Variants in SPIN1 observed in about 807,000 individuals in gnomAD.
The protein encoded by SPIN1 is spindlin 1, also known as spindlin-1.
A neutral mutation model predicts 26.0 loss-of-function variants in SPIN1; 3 were observed. That is an observed-to-expected ratio of 0.12 (90% CI 0.05 to 0.30). SPIN1 has a LOEUF of 0.30. Ranked by LOEUF, SPIN1 falls within the 10% of genes least tolerant of loss-of-function variation. The pLI, the probability that SPIN1 is intolerant of heterozygous loss-of-function variation, is 1.00. For synonymous variants in SPIN1, 101 were observed against 116.5 expected, an observed-to-expected ratio of 0.87 and a Z score of 0.86; for missense variants, 126 against 333.4, an observed-to-expected ratio of 0.38 and a Z score of 4.84.
rs189746946 is a variant in SPIN1 at position 88,464,368 on chromosome 9, C to T, written c.355+1619C>T. On this transcript the variant is annotated intron_variant, in intron 4 of 5. Coordinates refer to ENST00000375859, the MANE Select transcript of SPIN1 (RefSeq NM_006717.3). ...CTTGCTCTTCACTTACGTTTTACGT[C>T]GGAAGCAATTGCTTCAGGCAGTACA... is the stretch of plus-strand genomic sequence containing the variant. Among the ~76,000 whole-genome samples, 416 of 152,286 alleles carry T rather than the reference C, an allele frequency of 2.7e-3. 3 individuals carry two copies. Among genetic ancestry groups the T allele is most frequent in the African/African-American group, 9.2e-3 (384 of 41,568 alleles).
At chr9:88,417,310 G>T (rs1827587192) in intron 1 of SPIN1, among the ~76,000 whole-genome samples, 1 of 151,998 alleles carries the variant, frequency 6.6e-6, no homozygotes, top group Non-Finnish European at 1.5e-5. Flanking sequence ...ATGTGTGTGG[G>T]TTTTCCCTAC....
At chr9:88,456,932 G>A (rs372959281) in intron 3 of SPIN1, among the ~76,000 whole-genome samples, 5 of 151,994 alleles carry the variant, frequency 3.3e-5, no homozygotes, top group South Asian at 2.1e-4. Context: ...AAAACCATTC[G>A]AGATAAGACA....
In SPIN1 at chr9:88,430,787, T is replaced by C. The variant is rs560820449; in HGVS notation, c.52+4196T>C. Among the ~76,000 whole-genome samples the C allele has an allele frequency of 4.6e-5, 7 of 152,334 alleles. No homozygotes were observed. The South Asian group carries it at 6.2e-4, about 14-fold the overall frequency. ...GGGTAACAAGTACTATTAGGGTATA[T>C]GGTAAAATTTTTTTTCACGTTTTCC... On this transcript the variant is annotated intron_variant, in intron 2 of 5. Transcript: ENST00000375859.
At chr9:88,411,501 C>A in intron 1 of SPIN1, 1 of 828,202 alleles carries the variant, frequency 1.2e-6, no homozygotes. Flanking sequence ...GATGCTTCAG[C>A]GTCATCCATG....
chr9:88,445,551 AT>A (rs1828233915), intron 2 of SPIN1, among the ~76,000 whole-genome samples: 1 of 146,594 alleles, frequency 6.8e-6, no homozygotes, highest in African/African-American at 2.5e-5. Flanking sequence ...TATTATTATT[AT>A]TATTATTATT....
intron 1 of SPIN1, among the ~76,000 whole-genome samples, chr9:88,418,063 C>T (rs1414118607): frequency 5.3e-5 from 8 of 152,160 alleles, no homozygotes; most frequent in Non-Finnish European, 1.0e-4. Context: ...TGCAGCTGTC[C>T]TTTTGGGTTT....
rs553729032 is a variant in SPIN1 at position 88,393,793 on chromosome 9, C to T, written c.-159+5255C>T. Among the ~76,000 whole-genome samples, 80 of 151,672 alleles carry T rather than the reference C, an allele frequency of 5.3e-4. 1 individual carries two copies. In the Middle Eastern group the frequency reaches 0.01, roughly 19 times the overall value. On this transcript the variant is annotated intron_variant, in intron 1 of 5. Transcript: ENST00000375859. ...AGGGAGGGGTTTGAATTACTTTTTT[C>T]TTTCTCTCTTTAGCATCATTGTAGA... is the stretch of plus-strand genomic sequence containing the variant.
At chr9:88,389,273 C>T (rs1007904315) in intron 1 of SPIN1, 1 of 152,228 alleles carries the variant, frequency 6.6e-6, no homozygotes, top group Non-Finnish European at 1.5e-5. Flanking sequence ...CTTTTCCTCT[C>T]CATCGTGAGT....
chr9:88,435,623 C>T (rs886663549), intron 2 of SPIN1, among the ~76,000 whole-genome samples: 10 of 152,164 alleles, frequency 6.6e-5, no homozygotes, highest in Non-Finnish European at 1.3e-4. Context: ...TAAGGGCCTA[C>T]TTGGCCTTCC....
chr9:88,473,952 T>C (rs1340421129), intron 5 of SPIN1, among the ~76,000 whole-genome samples: 1 of 152,232 alleles, frequency 6.6e-6, no homozygotes, highest in Non-Finnish European at 1.5e-5. Flanking sequence ...TTGATTATGC[T>C]CAGATGTTTT....
chr9:88,429,363 G>A (rs1335191672), intron 2 of SPIN1, among the ~76,000 whole-genome samples: 1 of 151,996 alleles, frequency 6.6e-6, no homozygotes, highest in Non-Finnish European at 1.5e-5. Flanking sequence ...CCATAAGACC[G>A]CTGCTTGCTT....
intron 2 of SPIN1, among the ~76,000 whole-genome samples, chr9:88,437,343 C>T (rs772152095): frequency 6.6e-6 from 1 of 151,604 alleles, no homozygotes; most frequent in South Asian, 2.1e-4. Flanking sequence ...ACAAAAAATA[C>T]AAAAAGTAGT....
At chr9:88,445,426 C>T (rs1039676359) in intron 2 of SPIN1, among the ~76,000 whole-genome samples, 2 of 151,840 alleles carry the variant, frequency 1.3e-5, no homozygotes, top group Non-Finnish European at 2.9e-5. Flanking sequence ...TAGAGTGGTT[C>T]TTGGCAGTCA....
At chr9:88,421,866 ATTT>A (rs926648106) in intron 1 of SPIN1, among the ~76,000 whole-genome samples, 1 of 149,758 alleles carries the variant, frequency 6.7e-6, no homozygotes, top group African/African-American at 2.5e-5. Flanking sequence ...GCTTGACTAG[ATTT>A]TTTTTTTAAT....
At chr9:88,394,808 ATT>A (rs397952642) in intron 1 of SPIN1, among the ~76,000 whole-genome samples, 16 of 114,038 alleles carry the variant, frequency 1.4e-4, no homozygotes, top group African/African-American at 2.3e-4. Context: ...TATTTAATGT[ATT>A]TTTTTTTTTT....
intron 1 of SPIN1, among the ~76,000 whole-genome samples, chr9:88,401,615 A>G (rs991238061): frequency 1.3e-5 from 2 of 152,258 alleles, no homozygotes; most frequent in African/African-American, 4.8e-5. Flanking sequence ...TTGAGGGAAT[A>G]ACTACAAGGA....
intron 1 of SPIN1, among the ~76,000 whole-genome samples, chr9:88,422,020 T>C (rs1283581508): frequency 6.6e-6 from 1 of 152,188 alleles, no homozygotes. Flanking sequence ...GCCAAATTGT[T>C]TTATCTTTCA....
chr9:88,468,300 T>C (rs1828711798), intron 4 of SPIN1, 72 bp from the exon 5 acceptor site: 9 of 1,154,684 alleles, frequency 7.8e-6, no homozygotes, highest in Non-Finnish European at 1.1e-5. Flanking sequence ...CCTTCTTTAG[T>C]AAATTCAGTC....
chr9:88,462,722 G>A lies in SPIN1; in HGVS notation c.328G>A (p.Ala110Thr). The A allele has an allele frequency of 1.9e-6, 3 of 1,613,096 alleles. No homozygotes were observed. The highest frequency in any genetic ancestry group is 2.5e-6 in the Non-Finnish European group (3 of 1,179,426). ...ACTTAATAAAGATGAAAGAGTTTCTGCGCTTGAAGTCCTCCCTGATAGAGT... is the reference window on the plus strand; with the variant it reads ...ACTTAATAAAGATGAAAGAGTTTCTACGCTTGAAGTCCTCCCTGATAGAGT... ...LELNKDERVS[A>T]LEVLPDRVAT... is the part of the protein sequence containing the mutation. The change falls in exon 4 of 6, where the codon GCG becomes ACG. Residue 110 changes from alanine (A) to threonine (T), a missense_variant. By Grantham distance (58) the Ala-to-Thr change is moderately conservative (BLOSUM62 0). This residue lies in a region of SPIN1 where 23 missense variants were observed against 43.0 expected (regional missense o/e 0.54). Coordinates refer to ENST00000375859, the MANE Select transcript of SPIN1 (RefSeq NM_006717.3).
Sources: allele counts gnomAD v4.1 joint callset (sites outside exome capture counted in the v4.1 genomes callset), GRCh38; gene constraint gnomAD v4.1.1; regional missense constraint gnomAD v4.1.1; transcripts MANE v1.5; gene names NCBI Gene and HGNC (gene_info 2026-07-23, HGNC 2026-07-21).